The following SLC25A23 variants were observed in gnomAD, a reference collection of about 807,000 sequenced individuals.
The protein encoded by SLC25A23 is mitochondrial adenyl nucleotide antiporter SLC25A23.
SLC25A23 carries 32 observed loss-of-function variants against 53.9 expected under a neutral mutation model. That is an observed-to-expected ratio of 0.59 (90% CI 0.45 to 0.80). The LOEUF is 0.80. Among genes scored for constraint, SLC25A23 ranks in the 30% least tolerant of loss-of-function variants. The pLI, the probability that SLC25A23 is intolerant of heterozygous loss-of-function variation, is 0.00. For synonymous variants in SLC25A23, 275 were observed against 264.5 expected (o/e 1.04, Z -0.38); for missense variants, 575 against 651.4 (o/e 0.88, Z 1.28).
chr19:6,459,704 C>CG lies in SLC25A23; in HGVS notation c.-77dup, dbSNP rs1170385605. 2 of 1,189,446 alleles carry CG rather than the reference C, an allele frequency of 1.7e-6. No homozygotes were observed. Among genetic ancestry groups the CG allele is most frequent in the African/African-American group, 3.2e-5 (2 of 62,334 alleles). The allele number at this position is 1,189,446 out of a possible 1,614,324, so 73.7% of individuals were successfully genotyped here. A position where few individuals can be genotyped will look rare whatever the true frequency, so the allele number is the denominator to read the frequency against. On this transcript the variant is annotated 5_prime_UTR_variant, in exon 1 of 10. Transcript: ENST00000301454. This position sits in a 1 kb window ranked among gnomAD's most constrained non-coding sequence, Gnocchi z 4.6. Reference sequence around the variant, plus strand: ...GGCTTCGCGGCTCCCCCTCCCCCCCCGGGACCCCGCAGGGTCAGCTCCCGC... The same window carrying CG: ...GGCTTCGCGGCTCCCCCTCCCCCCCCGGGGACCCCGCAGGGTCAGCTCCCGC...
chr19:6,443,655 A>C (rs1365004085), intron 9 of SLC25A23: 2 of 695,066 alleles, frequency 2.9e-6, no homozygotes, highest in Non-Finnish European at 5.2e-6. Context: ...ACACTGACAC[A>C]TCTCCAGTGA....
At chr19:6,437,686 G>C (rs989795150), downstream of SLC25A23, among the ~76,000 whole-genome samples, 1 of 151,842 alleles carries the variant, frequency 6.6e-6, no homozygotes, top group African/African-American at 2.4e-5. Context: ...GCGGGTGCCT[G>C]TAGTCCCAGC....
chr19:6,452,247 GA>G (rs2092602693), intron 8 of SLC25A23, 64 bp downstream of exon 8: 1 of 1,549,966 alleles, frequency 6.5e-7, no homozygotes, highest in Non-Finnish European at 8.7e-7. Flanking sequence ...AGGGGAAGGG[GA>G]AGGGGTGTCC....
At chr19:6,457,423 T>A (rs2092697113) in intron 3 of SLC25A23, 80 bp downstream of exon 3, 1 of 1,294,074 alleles carries the variant, frequency 7.7e-7, no homozygotes, top group African/African-American at 1.5e-5. Context: ...TGGGACTGGG[T>A]CTGGAGCCCA....
chr19:6,443,482 C>T (rs2092455478), intron 9 of SLC25A23: 1 of 632,846 alleles, frequency 1.6e-6, no homozygotes, highest in African/African-American at 1.8e-5. Flanking sequence ...TCCTCTTTGG[C>T]CTCCTAAAGT....
At chr19:6,456,561 C>T (rs1422314315) in intron 3 of SLC25A23, 30 bp from the exon 4 acceptor site, 18 of 1,588,080 alleles carry the variant, frequency 1.1e-5, no homozygotes, top group Non-Finnish European at 1.6e-5. Context: ...TGGAGGAGGA[C>T]AGGTTCAGTG....
downstream of SLC25A23, chr19:6,436,449 A>G (rs74853621): frequency 5.7e-3 from 2,600 of 456,108 alleles, 49 homozygotes; most frequent in African/African-American, 0.047. Context: ...AAGGCTGCTC[A>G]TGGCATGACC....
At position 6,441,648 on chromosome 19, in the gene SLC25A23, G is replaced by C. The variant is rs1310695477; in HGVS notation, c.*327C>G. The C allele has an allele frequency of 2.8e-6, 1 of 363,178 alleles. No homozygotes were observed. The highest frequency in any genetic ancestry group is 2.1e-5 in the African/African-American group (1 of 47,338). 22.5% of individuals were successfully genotyped at this position (363,178 alleles called of 1,614,324 possible). A position where few individuals can be genotyped will look rare whatever the true frequency, so the allele number is the denominator to read the frequency against. ...TGGGGGATGGGGATTAAGGGCTGGG[G>C]TGTGGATAATCTTGAATCTTGTGGT... is the stretch of plus-strand genomic sequence containing the variant. On this transcript the variant is annotated 3_prime_UTR_variant, in exon 10 of 10. Transcript: ENST00000301454.
At chr19:6,449,460 G>A (rs1162656693) in intron 8 of SLC25A23, among the ~76,000 whole-genome samples, 2 of 151,008 alleles carry the variant, frequency 1.3e-5, no homozygotes, top group Non-Finnish European at 2.9e-5. Flanking sequence ...TGTCACCCAG[G>A]CTGGAGTGCA....
rs1217400578 is a variant in SLC25A23 at position 6,459,140 on chromosome 19, A to T, written c.156+333T>A. 1.3e-5 allele frequency among the ~76,000 whole-genome samples: 2 copies of T among 152,146 alleles called. No homozygotes were observed. Among genetic ancestry groups the T allele is most frequent in the African/African-American group, 4.8e-5 (2 of 41,444 alleles). ...GGGTGTGTCTCCTGGAGGTGAGAGC[A>T]GGGCACGTCATGGGCTGTGCAGTCT... On this transcript the variant is annotated intron_variant, in intron 1 of 9. Coordinates refer to ENST00000301454, the MANE Select transcript of SLC25A23 (RefSeq NM_024103.3). The surrounding 1 kb of genome is among the most constrained non-coding windows in gnomAD (Gnocchi z 4.6).
intron 7 of SLC25A23, among the ~76,000 whole-genome samples, chr19:6,453,006 A>C (rs533433766): frequency 1.3e-5 from 2 of 152,348 alleles, no homozygotes; most frequent in Non-Finnish European, 2.9e-5. Flanking sequence ...GAAGAGAAAG[A>C]GGTACACATA....
chr19:6,454,277 C>A lies in SLC25A23; in HGVS notation c.795+46G>T. The A allele has an allele frequency of 6.3e-7, 1 of 1,589,354 alleles. No homozygotes were observed. Among genetic ancestry groups the A allele is most frequent in the Admixed American group, 1.7e-5 (1 of 57,968 alleles). ...ATCCCGTAAATCTTTATGTACAGCCCAGTCTTCCCTATGGCAAGCACATTC... is the reference window on the plus strand; with the variant it reads ...ATCCCGTAAATCTTTATGTACAGCCAAGTCTTCCCTATGGCAAGCACATTC... On this transcript the variant is annotated intron_variant, in intron 6 of 9. Coordinates refer to ENST00000301454, the MANE Select transcript of SLC25A23 (RefSeq NM_024103.3). The surrounding 1 kb of genome is among the most constrained non-coding windows in gnomAD (Gnocchi z 4.3).
At position 6,457,598 on chromosome 19, in the gene SLC25A23, G is replaced by A; in HGVS notation, c.284-8C>T. The A allele has an allele frequency of 5.6e-6, 9 of 1,613,384 alleles. No homozygotes were observed. Among genetic ancestry groups the A allele is most frequent in the Non-Finnish European group, 7.6e-6 (9 of 1,179,550 alleles). Reference sequence around the variant, plus strand: ...CAGAGACATCAATGTGACCTGGGGAGGGGGCCGGAGGTGGGGAAGGATGTG... The same window carrying A: ...CAGAGACATCAATGTGACCTGGGGAAGGGGCCGGAGGTGGGGAAGGATGTG... On this transcript the variant is annotated splice_polypyrimidine_tract_variant and splice_region_variant and intron_variant, in intron 2 of 9. Transcript: ENST00000301454.
In SLC25A23 at chr19:6,454,570, C is replaced by A. The variant is rs777508730; in HGVS notation, c.631G>T (p.Val211Phe). ...CCAGAGCCCCTCACCTGCATGAAGA[C>A]CTTGAGGCGGTCCAGAGGGGCCGTG... The part of the protein sequence containing the change: ...TGTAPLDRLK[V>F]FMQVHASKTN... The change falls in exon 5 of 10, where the codon GTC becomes TTC. Residue 211 changes from valine to phenylalanine, a missense_variant. Coordinates refer to ENST00000301454, the MANE Select transcript of SLC25A23 (RefSeq NM_024103.3). This position sits in a 1 kb window ranked among gnomAD's most constrained non-coding sequence, Gnocchi z 4.3. 6 of 1,613,788 alleles carry A rather than the reference C, an allele frequency of 3.7e-6. No homozygotes were observed. Among genetic ancestry groups the A allele is most frequent in the Non-Finnish European group, 4.2e-6 (5 of 1,179,982 alleles).
At position 6,457,586 on chromosome 19, in the gene SLC25A23, G is replaced by A. The variant is rs896649499; in HGVS notation, c.288C>T (p.His96=). 6 of 1,613,850 alleles carry A rather than the reference G, an allele frequency of 3.7e-6. No homozygotes were observed. Among genetic ancestry groups the A allele is most frequent in the Non-Finnish European group, 5.1e-6 (6 of 1,179,992 alleles). Residue 96 remains histidine (H), a synonymous_variant, in exon 3 of 10, where the codon CAC becomes CAT. Coordinates refer to ENST00000301454, the MANE Select transcript of SLC25A23 (RefSeq NM_024103.3). Reference sequence around the variant, plus strand: ...TCTGTTGGATCTCAGAGACATCAATGTGACCTGGGGAGGGGGCCGGAGGTG... The same window carrying A: ...TCTGTTGGATCTCAGAGACATCAATATGACCTGGGGAGGGGGCCGGAGGTG... ...FHSLDRNQDG[H]IDVSEIQQSF... is the part of the protein sequence containing the mutation.
At chr19:6,457,378 A>C in intron 3 of SLC25A23, 125 bp downstream of exon 3, 1 of 838,844 alleles carries the variant, frequency 1.2e-6, no homozygotes, top group South Asian at 1.6e-5. Context: ...GATCTGTCTG[A>C]CTTCAAAGCC....
chr19:6,444,054 G>A (rs2092466172), intron 9 of SLC25A23, 97 bp downstream of exon 9: 2 of 1,341,528 alleles, frequency 1.5e-6, no homozygotes, highest in East Asian at 2.6e-5. Context: ...GAAGCCCATC[G>A]AAATCCAGGA....
chr19:6,436,698 C>T (rs1217675521), downstream of SLC25A23, among the ~76,000 whole-genome samples: 3 of 149,954 alleles, frequency 2.0e-5, no homozygotes, highest in Non-Finnish European at 3.0e-5. Flanking sequence ...TATAGGTGCC[C>T]GCCACCACGT....
At chr19:6,439,393 T>A (rs1365656981), downstream of SLC25A23, among the ~76,000 whole-genome samples, 5 of 129,424 alleles carry the variant, frequency 3.9e-5, no homozygotes, top group African/African-American at 1.8e-4. Flanking sequence ...TATCTCTCTC[T>A]CTCTCTCACA....
Sources: gnomAD v4.1 joint callset for allele counts (sites outside exome capture counted in the v4.1 genomes callset) on GRCh38, gnomAD v4.1.1 for gene constraint, Gnocchi (gnomAD v3.1) non-coding constraint, MANE v1.5 for transcripts, NCBI Gene and HGNC (gene_info 2026-07-23, HGNC 2026-07-21) for gene names.